The following CDKAL1 variants were observed in gnomAD, a reference collection of about 807,000 sequenced individuals.
CDKAL1 encodes the protein CDKAL1 threonylcarbamoyladenosine tRNA methylthiotransferase.
In CDKAL1, 32 loss-of-function variants were observed where a neutral mutation model predicts 68.2. The ratio of observed to expected loss-of-function variants is 0.47; its 90% CI spans 0.35 to 0.63. The LOEUF (loss-of-function observed/expected upper bound fraction) is 0.63. Ranked by LOEUF, CDKAL1 falls within the 30% of genes least tolerant of loss-of-function variation. The pLI, the probability that CDKAL1 is intolerant of heterozygous loss-of-function variation, is 0.00. For missense variants in CDKAL1, 606 were observed against 696.7 expected, an observed-to-expected ratio of 0.87 and a Z score of 1.47; for synonymous variants, 234 against 244.3, an observed-to-expected ratio of 0.96 and a Z score of 0.39.
intron 5 of CDKAL1, among the ~76,000 whole-genome samples, chr6:20,708,519 A>G (rs764864538): frequency 6.6e-6 from 1 of 152,198 alleles, no homozygotes; most frequent in Non-Finnish European, 1.5e-5. Context: ...CTTGTGGTTT[A>G]GAGGGACTCT....
intron 9 of CDKAL1, among the ~76,000 whole-genome samples, chr6:20,909,188 TG>T (rs1401456516): frequency 2.1e-4 from 1 of 4,732 alleles, no homozygotes; most frequent in African/African-American, 3.3e-4. Flanking sequence ...TGCATGTATG[TG>T]TGTGTGTGTG....
chr6:21,143,665 A>G (rs1212966490), intron 13 of CDKAL1, among the ~76,000 whole-genome samples: 1 of 152,226 alleles, frequency 6.6e-6, no homozygotes, highest in Non-Finnish European at 1.5e-5. Context: ...TTATGAAACC[A>G]TAAAAATGAT....
At chr6:20,947,010 C>T (rs892552316) in intron 9 of CDKAL1, among the ~76,000 whole-genome samples, 5 of 152,066 alleles carry the variant, frequency 3.3e-5, no homozygotes, top group Admixed American at 6.5e-5. Context: ...ATAGATTTCA[C>T]GTGGGCAGAG....
intron 8 of CDKAL1, among the ~76,000 whole-genome samples, chr6:20,824,312 A>G (rs1777408707): frequency 6.6e-6 from 1 of 152,160 alleles, no homozygotes; most frequent in Non-Finnish European, 1.5e-5. Context: ...ATAACTGCGA[A>G]CGTTGCTGCT....
intron 13 of CDKAL1, among the ~76,000 whole-genome samples, chr6:21,130,666 C>G (rs1466668685): frequency 6.6e-6 from 1 of 152,220 alleles, no homozygotes; most frequent in African/African-American, 2.4e-5. Flanking sequence ...ACCTAGAGTT[C>G]TGTAGACCTA....
chr6:21,220,607 C>T (rs1405930692), intron 15 of CDKAL1, among the ~76,000 whole-genome samples: 6 of 152,302 alleles, frequency 3.9e-5, no homozygotes, highest in Middle Eastern at 3.4e-3. Flanking sequence ...CTACACCCTC[C>T]CCTTATTTTG....
At chr6:21,056,474 G>T (rs193188350) in intron 11 of CDKAL1, among the ~76,000 whole-genome samples, 9 of 152,304 alleles carry the variant, frequency 5.9e-5, no homozygotes, top group Middle Eastern at 3.4e-3. Flanking sequence ...TGCAAACAGA[G>T]ACAGTTTGAC....
At chr6:21,019,901 T>A (rs1453930637) in intron 11 of CDKAL1, among the ~76,000 whole-genome samples, 1 of 133,140 alleles carries the variant, frequency 7.5e-6, no homozygotes, top group Non-Finnish European at 1.7e-5. Context: ...GCTTAATTTT[T>A]ACCTTTTTTT....
intron 9 of CDKAL1, among the ~76,000 whole-genome samples, chr6:20,913,139 A>ACG (rs1224421782): frequency 1.3e-5 from 2 of 149,938 alleles, no homozygotes; most frequent in African/African-American, 5.0e-5. Flanking sequence ...ACACACACAC[A>ACG]CACACACACA....
chr6:20,600,771 C>CATATATATATATAT (rs10522824), intron 4 of CDKAL1, among the ~76,000 whole-genome samples: 30 of 124,170 alleles, frequency 2.4e-4, no homozygotes, highest in African/African-American at 7.0e-4. Flanking sequence ...TATATGTATA[C>CATATATATATATAT]ATATATATAT....
intron 4 of CDKAL1, among the ~76,000 whole-genome samples, chr6:20,617,938 T>C (rs1002963017): frequency 6.6e-6 from 1 of 152,198 alleles, no homozygotes; most frequent in African/African-American, 2.4e-5. Context: ...TACTCAGTAA[T>C]GGGATCGCTG....
intron 10 of CDKAL1, among the ~76,000 whole-genome samples, chr6:20,996,348 C>T (rs549280663): frequency 4.4e-4 from 67 of 152,248 alleles, no homozygotes; most frequent in Admixed American, 2.0e-4. Flanking sequence ...TAGCTTTTAA[C>T]GTGTCTCAGC....
intron 5 of CDKAL1, among the ~76,000 whole-genome samples, chr6:20,730,452 AGAAAG>A (rs202161870): frequency 0.011 from 1,734 of 151,600 alleles, 20 homozygotes; most frequent in Non-Finnish European, 0.018. Flanking sequence ...AAGAAAAGAA[AGAAAG>A]GAAAGAAAAG....
intron 5 of CDKAL1, among the ~76,000 whole-genome samples, chr6:20,712,566 A>G (rs890154998): frequency 1.3e-5 from 2 of 152,172 alleles, no homozygotes; most frequent in African/African-American, 2.4e-5. Context: ...AGAAAAAAAC[A>G]CCTAATCAGA....
At chr6:20,797,274 C>T (rs150786468) in intron 8 of CDKAL1, among the ~76,000 whole-genome samples, 2 of 152,174 alleles carry the variant, frequency 1.3e-5, no homozygotes, top group African/African-American at 4.8e-5. Context: ...TAAAGTTTTT[C>T]GACATCATTA....
chr6:20,768,212 G>T (rs1774783624), intron 7 of CDKAL1, among the ~76,000 whole-genome samples: 1 of 152,118 alleles, frequency 6.6e-6, no homozygotes, highest in African/African-American at 2.4e-5. Flanking sequence ...GCAAATGCTT[G>T]TTTGTACTAC....
At chr6:20,603,611 A>G (rs1212750220) in intron 4 of CDKAL1, among the ~76,000 whole-genome samples, 1 of 152,114 alleles carries the variant, frequency 6.6e-6, no homozygotes, top group Non-Finnish European at 1.5e-5. Context: ...ACACGGAAAC[A>G]CTAAAGCCCC....
intron 12 of CDKAL1, among the ~76,000 whole-genome samples, chr6:21,093,572 G>A (rs1313090772): frequency 6.6e-6 from 1 of 152,050 alleles, no homozygotes; most frequent in Non-Finnish European, 1.5e-5. Context: ...TTCTTCAAGA[G>A]GATGAAAGGA....
intron 4 of CDKAL1, among the ~76,000 whole-genome samples, chr6:20,569,744 A>G (rs1293223024): frequency 6.6e-6 from 1 of 152,176 alleles, no homozygotes; most frequent in Non-Finnish European, 1.5e-5. Context: ...ATTATATTCA[A>G]TTTACTTTTA....
Sources: gnomAD v4.1 joint callset for allele counts (sites outside exome capture counted in the v4.1 genomes callset) on GRCh38, gnomAD v4.1.1 for gene constraint, MANE v1.5 for transcripts, NCBI Gene and HGNC (gene_info 2026-07-23, HGNC 2026-07-21) for gene names.